DNM3: variants seen among roughly 807,000 people sequenced by gnomAD.
The protein encoded by DNM3 is dynamin-3.
DNM3 carries 47 observed loss-of-function variants against 101.6 expected under a neutral mutation model. That is an observed-to-expected ratio of 0.46 (90% CI 0.37 to 0.59). The LOEUF is 0.59. DNM3 is among the 20% of genes least tolerant of loss of function. DNM3 has a pLI of 0.00. For missense variants in DNM3, 849 were observed against 1,085.7 expected (o/e 0.78, Z 3.06); for synonymous variants, 385 against 387.9 (o/e 0.99, Z 0.09).
chr1:172,068,948 G>T, intron 11 of DNM3, 43 bp downstream of exon 11: 1 of 1,528,346 alleles, frequency 6.5e-7, no homozygotes, highest in Non-Finnish European at 8.9e-7. Context: ...ATTGTGGGAG[G>T]TCGAAGGTCT....
chr1:172,092,228 C>T (rs903978480), intron 12 of DNM3, among the ~76,000 whole-genome samples: 18 of 152,110 alleles, frequency 1.2e-4, no homozygotes, highest in African/African-American at 3.4e-4. Flanking sequence ...ATCTACATGG[C>T]AGATCCAAAC....
At chr1:172,262,057 C>G (rs980096705) in intron 15 of DNM3, among the ~76,000 whole-genome samples, 30 of 152,166 alleles carry the variant, frequency 2.0e-4, no homozygotes, top group Non-Finnish European at 3.8e-4. Flanking sequence ...GATCCCCAGA[C>G]CACTGGAAAA....
At chr1:172,047,270 C>T (rs547123354) in intron 9 of DNM3, among the ~76,000 whole-genome samples, 29 of 152,230 alleles carry the variant, frequency 1.9e-4, no homozygotes, top group African/African-American at 7.0e-4. Flanking sequence ...CCTTATGGAG[C>T]AAATCAAGAT....
At chr1:171,872,871 G>C (rs542394331) in intron 1 of DNM3, among the ~76,000 whole-genome samples, 2 of 152,150 alleles carry the variant, frequency 1.3e-5, no homozygotes, top group East Asian at 3.9e-4. Flanking sequence ...CAGGTGAAAA[G>C]TATTTCAAGA....
At chr1:172,231,480 C>T (rs930231274) in intron 14 of DNM3, among the ~76,000 whole-genome samples, 10 of 152,034 alleles carry the variant, frequency 6.6e-5, no homozygotes, top group African/African-American at 2.4e-4. Flanking sequence ...TAGATAAAAC[C>T]ATAAAGATGG....
intron 1 of DNM3, among the ~76,000 whole-genome samples, chr1:171,896,466 T>C (rs1159317306): frequency 6.6e-6 from 1 of 152,228 alleles, no homozygotes; most frequent in Non-Finnish European, 1.5e-5. Context: ...ATAGGAATGC[T>C]TGTGATTTTT....
At chr1:172,317,726 C>T (rs1468111381) in intron 16 of DNM3, among the ~76,000 whole-genome samples, 1 of 152,184 alleles carries the variant, frequency 6.6e-6, no homozygotes, top group Non-Finnish European at 1.5e-5. Context: ...GTAACAGGCT[C>T]TGAAATTGTG....
At chr1:171,872,385 A>C (rs1350933533) in intron 1 of DNM3, among the ~76,000 whole-genome samples, 3 of 151,676 alleles carry the variant, frequency 2.0e-5, no homozygotes, top group Non-Finnish European at 4.4e-5. Context: ...TTTCATATTT[A>C]GATCTGGTCT....
rs192895361 is a variant in DNM3 at position 171,863,408 on chromosome 1, G to T, written c.161+21591G>T. On this transcript the variant is annotated intron_variant, in intron 1 of 20. Transcript: ENST00000627582. The stretch of plus-strand genomic sequence containing the variant: ...AGCTGATGGTAGGGTAGGAAGCAGA[G>T]GGAGGGGCAGAAAGACAGGAAAAAA... Among the ~76,000 whole-genome samples the T allele has an allele frequency of 3.5e-4, 54 of 152,208 alleles. No homozygotes were observed. In the Middle Eastern group the frequency reaches 0.01, roughly 29 times the overall value.
At chr1:172,252,540 T>C (rs949533889) in intron 14 of DNM3, among the ~76,000 whole-genome samples, 3 of 152,124 alleles carry the variant, frequency 2.0e-5, no homozygotes, top group Admixed American at 1.3e-4. Context: ...AAGTCTCCAT[T>C]CTCTCCAGCT....
chr1:172,193,635 A>G (rs188666642), intron 14 of DNM3, among the ~76,000 whole-genome samples: 138 of 152,170 alleles, frequency 9.1e-4, no homozygotes, highest in African/African-American at 3.2e-3. Flanking sequence ...TAGATTTTCT[A>G]GTTTATTTGC....
At chr1:172,209,264 G>C (rs935514222) in intron 14 of DNM3, among the ~76,000 whole-genome samples, 2 of 152,040 alleles carry the variant, frequency 1.3e-5, no homozygotes, top group South Asian at 2.1e-4. Context: ...GCAAGCCAAG[G>C]GGAGAGGCCT....
chr1:171,872,928 T>A (rs901194360), intron 1 of DNM3, among the ~76,000 whole-genome samples: 1 of 152,156 alleles, frequency 6.6e-6, no homozygotes, highest in African/African-American at 2.4e-5. Flanking sequence ...AACTGTAAAG[T>A]ATTACAGAAA....
intron 1 of DNM3, among the ~76,000 whole-genome samples, chr1:171,892,147 A>AC (rs2037340435): frequency 6.6e-6 from 1 of 151,220 alleles, no homozygotes; most frequent in African/African-American, 2.4e-5. Context: ...TGTCCGTTTG[A>AC]CATAGTCTCG....
chr1:172,387,070 G>A, intron 18 of DNM3, 63 bp from the exon 19 acceptor site: 3 of 1,402,072 alleles, frequency 2.1e-6, no homozygotes, highest in Non-Finnish European at 3.0e-6. Context: ...CCACAGCCAT[G>A]TTTCTACCTC....
Position 172,132,789 on chromosome 1 carries a change from C to CT in DNM3, c.1659+1503dup, listed in dbSNP as rs1210089084. On this transcript the variant is annotated intron_variant, in intron 14 of 20. Transcript: ENST00000627582. ...ATTAACTCATTTAACCATATTCAGC[C>CT]TTAACTACTACTATCCCTATTGTTG... 12 of 671,100 alleles carry CT rather than the reference C, an allele frequency of 1.8e-5. No homozygotes were observed. In the Admixed American group the frequency reaches 2.8e-4, roughly 16 times the overall value. 41.6% of individuals were successfully genotyped at this position (671,100 alleles called of 1,614,324 possible). A position where few individuals can be genotyped will look rare whatever the true frequency, so the allele number is the denominator to read the frequency against.
intron 2 of DNM3, among the ~76,000 whole-genome samples, chr1:171,961,556 A>T (rs1312740464): frequency 6.6e-6 from 1 of 152,204 alleles, no homozygotes; most frequent in Non-Finnish European, 1.5e-5. Context: ...CAAAAAGTTA[A>T]ACATACAATT....
At chr1:172,340,218 C>T (rs1471381838) in intron 17 of DNM3, among the ~76,000 whole-genome samples, 1 of 152,118 alleles carries the variant, frequency 6.6e-6, no homozygotes, top group African/African-American at 2.4e-5. Flanking sequence ...GTGCCCCTTC[C>T]CAATCTTTTG....
rs1461170859 is a variant in DNM3 at position 171,845,806 on chromosome 1, CTG to C, written c.161+3991_161+3992del. Reference sequence around the variant, plus strand: ...CATTTATAGAGGTGTTAAGTGAAAACTGTACTAGTTGCTAATACGCAGATGTT... The same window carrying C: ...CATTTATAGAGGTGTTAAGTGAAAACTACTAGTTGCTAATACGCAGATGTT... On this transcript the variant is annotated intron_variant, in intron 1 of 20. Coordinates refer to ENST00000627582, the MANE Select transcript of DNM3 (RefSeq NM_015569.5). 7.9e-5 allele frequency among the ~76,000 whole-genome samples: 12 copies of C among 152,284 alleles called. No individual in the cohort carries two copies. In the South Asian group the frequency reaches 2.1e-3, roughly 26 times the overall value.
Sources: allele counts gnomAD v4.1 joint callset (sites outside exome capture counted in the v4.1 genomes callset), GRCh38; gene constraint gnomAD v4.1.1; transcripts MANE v1.5; gene names NCBI Gene and HGNC (gene_info 2026-07-23, HGNC 2026-07-21).